Variants in ANXA7 observed in about 807,000 individuals in gnomAD.
The protein encoded by ANXA7 is annexin A7, also known as annexin VII.
Under a neutral mutation model 64.9 loss-of-function variants are expected in ANXA7, and 55 were observed. The ratio of observed to expected loss-of-function variants is 0.85; its 90% CI spans 0.68 to 1.06. The LOEUF is 1.06. ANXA7 is among the 50% of genes least tolerant of loss of function. The pLI, the probability that ANXA7 is intolerant of heterozygous loss-of-function variation, is 0.00. For synonymous variants in ANXA7, 200 were observed against 192.4 expected (o/e 1.04, Z -0.33); for missense variants, 548 against 582.1 (o/e 0.94, Z 0.60).
chr10:73,407,885 T>G (rs141366521), intron 1 of ANXA7, among the ~76,000 whole-genome samples: 1 of 152,338 alleles, frequency 6.6e-6, no homozygotes, highest in Admixed American at 6.5e-5. Context: ...ATATGAAAAC[T>G]GACCCAGTCA....
chr10:73,381,175 A>T (rs907442757), intron 9 of ANXA7, among the ~76,000 whole-genome samples: 1 of 152,100 alleles, frequency 6.6e-6, no homozygotes, highest in Non-Finnish European at 1.5e-5. Context: ...AGTAGCTGGG[A>T]CTATAAGCTC....
intron 1 of ANXA7, among the ~76,000 whole-genome samples, chr10:73,410,707 G>T (rs558503459): frequency 6.6e-6 from 1 of 151,710 alleles, no homozygotes; most frequent in East Asian, 1.9e-4. Context: ...GCTTGAATCC[G>T]GGAGGCGGAG....
rs181869526 is a variant in ANXA7, at chr10:73,391,002, T to G, written c.436-2588A>C. 3.6e-3 allele frequency among the ~76,000 whole-genome samples: 546 copies of G among 149,598 alleles called. 5 individuals carry two copies. Among genetic ancestry groups the G allele is most frequent in the African/African-American group, 0.013 (517 of 40,326 alleles). On this transcript the variant is annotated intron_variant, in intron 5 of 12. Transcript: ENST00000372921. The stretch of plus-strand genomic sequence containing the variant: ...CTGGCCAACATGGTGAAACCCTGTC[T>G]CTACTACAAATACAAAAATGCTGGG...
Position 73,412,683 on chromosome 10 carries a change from C to A in ANXA7, c.-2+1329G>T, listed in dbSNP as rs751790988. On this transcript the variant is annotated intron_variant, in intron 1 of 12. Transcript: ENST00000372921. Reference sequence around the variant, plus strand: ...TAATTTTTGTATTTTTAAGTAGAGACGGGGTTTCACCGTGTTGGTCAAGCT... The same window carrying A: ...TAATTTTTGTATTTTTAAGTAGAGAAGGGGTTTCACCGTGTTGGTCAAGCT... Among the ~76,000 whole-genome samples the A allele has an allele frequency of 1.9e-4, 29 of 151,452 alleles. 1 individual carries two copies. Among genetic ancestry groups the A allele is most frequent in the Non-Finnish European group, 3.5e-4 (24 of 67,936 alleles).
At chr10:73,380,247 T>C (rs1309370528) in intron 9 of ANXA7, 46 bp from the exon 10 acceptor site, 1 of 1,558,610 alleles carries the variant, frequency 6.4e-7, no homozygotes, top group Non-Finnish European at 8.6e-7. Flanking sequence ...ATAATAGTTC[T>C]ACTAAATTTT....
At chr10:73,398,674 GA>G (rs890400608) in intron 2 of ANXA7, among the ~76,000 whole-genome samples, 51 of 137,694 alleles carry the variant, frequency 3.7e-4, no homozygotes, top group African/African-American at 3.7e-4. Flanking sequence ...AAGGTTTTAA[GA>G]AAAAAAAAAA....
chr10:73,387,253 G>A (rs966427260), intron 7 of ANXA7, among the ~76,000 whole-genome samples: 12 of 152,022 alleles, frequency 7.9e-5, no homozygotes, highest in Admixed American at 5.9e-4. Context: ...GGTGGCTCAC[G>A]CCTGTAATCC....
intron 5 of ANXA7, chr10:73,395,842 ACT>A (rs768707656): frequency 6.0e-6 from 4 of 672,250 alleles, no homozygotes; most frequent in Admixed American, 4.1e-5. Context: ...CATATAGGAA[ACT>A]CTGCAGCTAA....
At chr10:73,402,976 C>T (rs1195525511) in intron 1 of ANXA7, among the ~76,000 whole-genome samples, 2 of 152,138 alleles carry the variant, frequency 1.3e-5, no homozygotes, top group Admixed American at 1.3e-4. Flanking sequence ...AGGTGCCTGC[C>T]ACCGTGCCTG....
intron 12 of ANXA7, among the ~76,000 whole-genome samples, chr10:73,376,925 T>C (rs1366226270): frequency 1.3e-5 from 2 of 152,142 alleles, no homozygotes; most frequent in African/African-American, 4.8e-5. Context: ...AGACAAATAT[T>C]GTATGATTCC....
intron 5 of ANXA7, among the ~76,000 whole-genome samples, chr10:73,391,810 G>A (rs982944702): frequency 6.6e-6 from 1 of 152,102 alleles, no homozygotes; most frequent in African/African-American, 2.4e-5. Context: ...TCAGTGACAA[G>A]AAGCTCACCC....
Sources: allele counts gnomAD v4.1 joint callset (sites outside exome capture counted in the v4.1 genomes callset), GRCh38; gene constraint gnomAD v4.1.1; transcripts MANE v1.5; gene names NCBI Gene and HGNC (gene_info 2026-07-23, HGNC 2026-07-21).